DPP4: variants seen among roughly 807,000 people sequenced by gnomAD.
DPP4 encodes the protein ADCP-2.
DPP4 carries 93 observed loss-of-function variants against 122.4 expected under a neutral mutation model. That is an observed-to-expected ratio of 0.76 (90% confidence interval 0.64 to 0.90). The LOEUF is 0.90. Ranked by LOEUF, DPP4 falls within the 40% of genes least tolerant of loss-of-function variation. The probability of loss-of-function intolerance (pLI) is 0.00; values close to 1 mark genes in which losing one functional copy is unlikely to be tolerated. For missense variants in DPP4, 914 were observed against 907.3 expected (o/e 1.01, Z -0.09); for synonymous variants, 321 against 302.9 (o/e 1.06, Z -0.62).
chr2:162,042,090 C>T (rs2106128110), intron 5 of DPP4, among the ~76,000 whole-genome samples: 1 of 152,260 alleles, frequency 6.6e-6, no homozygotes, highest in Non-Finnish European at 1.5e-5. Flanking sequence ...AAGCCGAATG[C>T]AAAGATAGGA....
At chr2:161,994,294 A>T (rs1189645100) in intron 25 of DPP4, among the ~76,000 whole-genome samples, 1 of 152,250 alleles carries the variant, frequency 6.6e-6, no homozygotes, top group African/African-American at 2.4e-5. Flanking sequence ...AGAGCAAATC[A>T]TGTGTGTTAG....
chr2:162,070,854 A>T (rs558263984), intron 2 of DPP4, among the ~76,000 whole-genome samples: 1 of 152,244 alleles, frequency 6.6e-6, no homozygotes, highest in Admixed American at 6.5e-5. Flanking sequence ...GTTAAGAAAT[A>T]CAGACAAGAA....
intron 12 of DPP4, among the ~76,000 whole-genome samples, chr2:162,022,074 T>G (rs1683152755): frequency 6.6e-6 from 1 of 152,174 alleles, no homozygotes; most frequent in Non-Finnish European, 1.5e-5. Context: ...TAAGTGAGAT[T>G]CATTCCTCAT....
chr2:162,038,013 T>C (rs1683841903), intron 8 of DPP4, among the ~76,000 whole-genome samples: 1 of 152,284 alleles, frequency 6.6e-6, no homozygotes, highest in East Asian at 1.9e-4. Context: ...GAGGCTTTTA[T>C]GTTCCAGTAA....
At chr2:161,994,632 T>C (rs891898952) in intron 25 of DPP4, among the ~76,000 whole-genome samples, 2 of 152,180 alleles carry the variant, frequency 1.3e-5, no homozygotes, top group African/African-American at 2.4e-5. Context: ...GGTTTCACTT[T>C]AGAATTACTC....
At chr2:162,060,417 T>C (rs564260347) in intron 2 of DPP4, among the ~76,000 whole-genome samples, 1 of 152,284 alleles carries the variant, frequency 6.6e-6, no homozygotes, top group South Asian at 2.1e-4. Flanking sequence ...AGTTTTACCA[T>C]CTCTATTCTC....
intron 22 of DPP4, among the ~76,000 whole-genome samples, chr2:162,006,707 T>C (rs988565441): frequency 6.6e-6 from 1 of 152,290 alleles, no homozygotes; most frequent in Non-Finnish European, 1.5e-5. Context: ...TATATATATT[T>C]GGCCTAAAAT....
chr2:162,020,543 AG>A (rs1683088047), intron 13 of DPP4, 37 bp downstream of exon 13: 3 of 1,491,130 alleles, frequency 2.0e-6, no homozygotes, highest in African/African-American at 1.4e-5. Flanking sequence ...AAAAAAAAAA[AG>A]AGGTCAACAT....
In DPP4 at chr2:162,024,801, C is replaced by T. The variant is rs150514747; in HGVS notation, c.1023+3G>A. The T allele has an allele frequency of 4.1e-4, 668 of 1,612,980 alleles. 4 individuals carry two copies. The East Asian group carries it at 0.012, about 29-fold the overall frequency. Reference sequence around the variant, plus strand: ...GAAGCAGAACATCCCCATTCAGTCTCACCACTAAGCAGTTCCATCTTCCAC... The same window carrying T: ...GAAGCAGAACATCCCCATTCAGTCTTACCACTAAGCAGTTCCATCTTCCAC... On this transcript the variant is annotated splice_donor_region_variant and intron_variant, in intron 11 of 25. Transcript: ENST00000360534.
At chr2:162,039,369 T>C (rs1394354715) in intron 5 of DPP4, among the ~76,000 whole-genome samples, 185 bp from the exon 6 acceptor site, 1 of 151,928 alleles carries the variant, frequency 6.6e-6, no homozygotes, top group Non-Finnish European at 1.5e-5. Context: ...TCATACAAAC[T>C]CCTCTGGAGT....
chr2:162,065,755 C>T (rs899936427), intron 2 of DPP4, among the ~76,000 whole-genome samples: 1 of 152,114 alleles, frequency 6.6e-6, no homozygotes, highest in Non-Finnish European at 1.5e-5. Flanking sequence ...CTTCCTGGGG[C>T]AGCATTTATC....
In DPP4 at chr2:161,993,135, G is replaced by T; in HGVS notation, c.*148C>A. 3.3e-6 allele frequency: 2 copies of T among 605,332 alleles called. No individual in the cohort carries two copies. The highest frequency in any genetic ancestry group is 2.9e-6 in the Non-Finnish European group (1 of 339,544). 37.5% of individuals were successfully genotyped at this position (605,332 alleles called of 1,614,324 possible). On this transcript the variant is annotated 3_prime_UTR_variant, in exon 26 of 26. Transcript: ENST00000360534. Reference sequence around the variant, plus strand: ...CAGAAGTCCCTACTTAAGATGATAGGTATGAAATTTGGGAACAAAGGTAAC... The same window carrying T: ...CAGAAGTCCCTACTTAAGATGATAGTTATGAAATTTGGGAACAAAGGTAAC...
At chr2:162,018,967 CTT>C (rs35605823) in intron 15 of DPP4, 117 bp from the exon 16 acceptor site, 955 of 1,053,606 alleles carry the variant, frequency 9.1e-4, no homozygotes, top group Admixed American at 1.0e-3. Flanking sequence ...ATCTTTAGGA[CTT>C]TTTTTTTTTT....
intron 2 of DPP4, among the ~76,000 whole-genome samples, chr2:162,062,963 G>A (rs1684830281): frequency 6.6e-6 from 1 of 151,100 alleles, no homozygotes; most frequent in Non-Finnish European, 1.5e-5. Context: ...CTGTTGTGTT[G>A]AGAATACACC....
chr2:161,994,885 T>C, intron 25 of DPP4, 76 bp downstream of exon 25: 1 of 1,423,440 alleles, frequency 7.0e-7, no homozygotes, highest in Non-Finnish European at 9.9e-7. Context: ...GTGGCACTGC[T>C]AAAAGAATTA....
At chr2:162,023,446 T>C (rs1417260402) in intron 11 of DPP4, among the ~76,000 whole-genome samples, 1 of 152,196 alleles carries the variant, frequency 6.6e-6, no homozygotes, top group Non-Finnish European at 1.5e-5. Flanking sequence ...CCTTTGCCTA[T>C]ATCTCTAGCC....
chr2:162,054,664 C>T (rs139876104), intron 2 of DPP4, among the ~76,000 whole-genome samples: 44 of 152,184 alleles, frequency 2.9e-4, no homozygotes, highest in African/African-American at 9.2e-4. Context: ...ACTCTTCTGC[C>T]GTGTGAGAAT....
intron 8 of DPP4, among the ~76,000 whole-genome samples, chr2:162,037,329 G>A (rs1367055138): frequency 1.3e-5 from 2 of 152,202 alleles, no homozygotes; most frequent in Non-Finnish European, 2.9e-5. Context: ...AGGCTGGGTT[G>A]TGCTGTCCAA....
intron 2 of DPP4, among the ~76,000 whole-genome samples, chr2:162,058,346 G>A (rs769392549): frequency 6.6e-6 from 1 of 152,144 alleles, no homozygotes; most frequent in African/African-American, 2.4e-5. Context: ...CCTGCTCATG[G>A]AATGTTAAAG....
Sources: allele counts gnomAD v4.1 joint callset (sites outside exome capture counted in the v4.1 genomes callset), GRCh38; gene constraint gnomAD v4.1.1; transcripts MANE v1.5; gene names NCBI Gene and HGNC (gene_info 2026-07-23, HGNC 2026-07-21).